Variants in NELL1 observed in about 807,000 individuals in gnomAD.
The protein encoded by NELL1 is neural EGFL like 1.
NELL1 carries 76 observed loss-of-function variants against 107.4 expected under a neutral mutation model. The ratio of observed to expected loss-of-function variants is 0.71; its 90% CI spans 0.59 to 0.86. The LOEUF (loss-of-function observed/expected upper bound fraction) is 0.86. Ranked by LOEUF, NELL1 falls within the 40% of genes least tolerant of loss-of-function variation. The pLI, the probability that NELL1 is intolerant of heterozygous loss-of-function variation, is 0.00. For missense variants in NELL1, 1,024 were observed against 1,005.5 expected (o/e 1.02, Z -0.25); for synonymous variants, 353 against 341.2 (o/e 1.03, Z -0.38).
chr11:20,912,567 T>C (rs943842874), intron 5 of NELL1, among the ~76,000 whole-genome samples: 2 of 152,178 alleles, frequency 1.3e-5, no homozygotes, highest in Admixed American at 6.6e-5. Context: ...TTCTAAATAG[T>C]TGAGGCCTCA....
intron 13 of NELL1, among the ~76,000 whole-genome samples, chr11:21,151,874 A>G (rs1375382797): frequency 6.6e-6 from 1 of 152,348 alleles, no homozygotes; most frequent in Non-Finnish European, 1.5e-5. Context: ...TACACAAAGT[A>G]AGATATGTCT....
At chr11:21,288,117 A>T (rs563380171) in intron 14 of NELL1, among the ~76,000 whole-genome samples, 1 of 151,504 alleles carries the variant, frequency 6.6e-6, no homozygotes, top group Non-Finnish European at 1.5e-5. Flanking sequence ...GAAGGAAGGA[A>T]GGGAAGGAAT....
At chr11:21,266,274 C>T (rs1848633090) in intron 14 of NELL1, among the ~76,000 whole-genome samples, 1 of 151,954 alleles carries the variant, frequency 6.6e-6, no homozygotes, top group Non-Finnish European at 1.5e-5. Flanking sequence ...TTTTCCCTGA[C>T]ATTAAAATGT....
chr11:20,900,019 C>A (rs1849837911), intron 5 of NELL1, among the ~76,000 whole-genome samples: 1 of 152,120 alleles, frequency 6.6e-6, no homozygotes, highest in African/African-American at 2.4e-5. Flanking sequence ...AAACAACAGC[C>A]TTTATTTACC....
At chr11:20,768,284 G>A (rs1186523951) in intron 2 of NELL1, among the ~76,000 whole-genome samples, 1 of 152,184 alleles carries the variant, frequency 6.6e-6, no homozygotes, top group Admixed American at 6.5e-5. Context: ...GTTGAATCCA[G>A]GCTGTTGTGC....
intron 14 of NELL1, among the ~76,000 whole-genome samples, chr11:21,255,059 A>G (rs1385148108): frequency 2.0e-5 from 3 of 152,114 alleles, no homozygotes; most frequent in African/African-American, 4.8e-5. Context: ...CAAATTAACA[A>G]CAAAGAGACT....
intron 14 of NELL1, among the ~76,000 whole-genome samples, chr11:21,304,915 T>A (rs1298429031): frequency 2.0e-5 from 3 of 151,948 alleles, no homozygotes; most frequent in Admixed American, 2.0e-4. Flanking sequence ...ATAGAAAATA[T>A]GATGTAACAA....
chr11:20,894,987 T>TATCTTA (rs1265514015), intron 5 of NELL1, among the ~76,000 whole-genome samples: 19 of 150,976 alleles, frequency 1.3e-4, no homozygotes, highest in African/African-American at 4.4e-4. Context: ...AATTATTCCC[T>TATCTTA]CTGGCCGGGC....
chr11:21,012,262 C>T (rs1231667287), intron 12 of NELL1, among the ~76,000 whole-genome samples: 1 of 152,080 alleles, frequency 6.6e-6, no homozygotes, highest in East Asian at 1.9e-4. Context: ...TTGTTTATTC[C>T]AACCTTGAGA....
At chr11:20,797,083 A>G (rs914288234) in intron 3 of NELL1, among the ~76,000 whole-genome samples, 4 of 152,208 alleles carry the variant, frequency 2.6e-5, no homozygotes, top group Non-Finnish European at 5.9e-5. Flanking sequence ...GAGGCAGGCA[A>G]GAGGCCAGAT....
intron 15 of NELL1, among the ~76,000 whole-genome samples, chr11:21,495,234 T>C (rs1854946470): frequency 6.6e-6 from 1 of 152,170 alleles, no homozygotes; most frequent in Admixed American, 6.6e-5. Context: ...TTTTGAATAT[T>C]TTATATTAAT....
chr11:21,467,936 G>A (rs1208848962), intron 15 of NELL1, among the ~76,000 whole-genome samples: 2 of 151,962 alleles, frequency 1.3e-5, no homozygotes, highest in Non-Finnish European at 2.9e-5. Context: ...AAGCTTTAGG[G>A]CTTCAGTAAA....
intron 15 of NELL1, among the ~76,000 whole-genome samples, chr11:21,375,433 T>G (rs1239094663): frequency 6.6e-6 from 1 of 152,186 alleles, no homozygotes; most frequent in Non-Finnish European, 1.5e-5. Context: ...GTACCATATT[T>G]TCTTTATCCA....
intron 15 of NELL1, among the ~76,000 whole-genome samples, chr11:21,433,114 T>C (rs1338005050): frequency 2.0e-5 from 3 of 152,330 alleles, no homozygotes; most frequent in East Asian, 3.9e-4. Flanking sequence ...CATGTGATGC[T>C]AATCTTTCCA....
chr11:21,272,225 G>A (rs952615913), intron 14 of NELL1, among the ~76,000 whole-genome samples: 1 of 152,218 alleles, frequency 6.6e-6, no homozygotes, highest in Non-Finnish European at 1.5e-5. Context: ...TTTTCCAACA[G>A]TCTTAGCAAA....
intron 12 of NELL1, among the ~76,000 whole-genome samples, chr11:20,977,519 C>T (rs966686010): frequency 6.6e-6 from 1 of 152,136 alleles, no homozygotes; most frequent in Admixed American, 6.5e-5. Context: ...TCTCCTGGGC[C>T]TCCCAAAATG....
Position 21,575,119 on chromosome 11 carries a change from GT to G in NELL1, c.*104del, listed in dbSNP as rs745961190. 1 of 1,174,330 alleles carries G rather than the reference GT, an allele frequency of 8.5e-7. No homozygotes were observed. 72.7% of individuals were successfully genotyped at this position (1,174,330 alleles called of 1,614,324 possible). ...GTAGTTTGGTTTTTTTGTTTGTTTT[GT>G]TTTTTTAACCACAGATAATTGCCAA... On this transcript the variant is annotated 3_prime_UTR_variant, in exon 20 of 20. Coordinates refer to ENST00000357134, the MANE Select transcript of NELL1 (RefSeq NM_006157.5).
intron 5 of NELL1, among the ~76,000 whole-genome samples, chr11:20,910,729 C>A (rs182257597): frequency 6.6e-6 from 1 of 152,300 alleles, no homozygotes; most frequent in Admixed American, 6.5e-5. Flanking sequence ...TCACCAGGGT[C>A]AGAACTAGCT....
At chr11:21,142,775 C>T (rs183886969) in intron 13 of NELL1, among the ~76,000 whole-genome samples, 87 of 152,272 alleles carry the variant, frequency 5.7e-4, no homozygotes, top group Admixed American at 1.8e-3. Context: ...CCTCCGTCTT[C>T]TCATCTGCAA....
Sources: allele counts gnomAD v4.1 joint callset (sites outside exome capture counted in the v4.1 genomes callset), GRCh38; gene constraint gnomAD v4.1.1; transcripts MANE v1.5; gene names NCBI Gene and HGNC (gene_info 2026-07-23, HGNC 2026-07-21).